The following ITPR2 variants were observed in gnomAD, a reference collection of about 807,000 sequenced individuals.
ITPR2 encodes inositol 1,4,5-trisphosphate-gated calcium channel ITPR2.
A neutral mutation model predicts 317.1 loss-of-function variants in ITPR2; 207 were observed. The ratio of observed to expected loss-of-function variants is 0.65; its 90% CI spans 0.58 to 0.73. The LOEUF (loss-of-function observed/expected upper bound fraction) is 0.73, where lower values mean the gene tolerates loss of function less well. Among genes scored for constraint, ITPR2 ranks in the 30% least tolerant of loss-of-function variants. ITPR2 has a pLI of 0.00. For missense variants in ITPR2, 2,613 were observed against 3,284.0 expected (o/e 0.80, Z 4.99); for synonymous variants, 1,156 against 1,149.1 (o/e 1.01, Z -0.12).
intron 1 of ITPR2, among the ~76,000 whole-genome samples, chr12:26,827,263 TACACGGAGAAAAGAACAATAA>T (rs780617952): frequency 1.3e-5 from 2 of 151,914 alleles, no homozygotes; most frequent in African/African-American, 4.8e-5. Flanking sequence ...CCTTTGCACT[TACACGGAGAAAAGAACAATAA>T]ACTCGGAGAA....
chr12:26,818,089 AAT>A (rs1348339417), intron 1 of ITPR2, among the ~76,000 whole-genome samples: 2 of 152,256 alleles, frequency 1.3e-5, no homozygotes, highest in Non-Finnish European at 2.9e-5. Context: ...TGTTCAATTA[AAT>A]ATGTTTAAAA....
At chr12:26,693,670 T>C (rs11048657) in intron 10 of ITPR2, among the ~76,000 whole-genome samples, 34,782 of 152,140 alleles carry the variant, frequency 0.23, 4,195 homozygotes, top group Non-Finnish European at 0.26. Context: ...TGTGGATGTT[T>C]GAATACACAG....
At chr12:26,661,995 A>G (rs1167729064) in intron 15 of ITPR2, among the ~76,000 whole-genome samples, 1 of 152,260 alleles carries the variant, frequency 6.6e-6, no homozygotes, top group Non-Finnish European at 1.5e-5. Flanking sequence ...CATTTGGATC[A>G]GCAAGAAGGG....
chr12:26,365,223 C>T (rs1049552633), intron 55 of ITPR2, among the ~76,000 whole-genome samples: 2 of 152,090 alleles, frequency 1.3e-5, no homozygotes, highest in African/African-American at 4.8e-5. Context: ...GGAAAATGAA[C>T]GGTGTCACTA....
intron 37 of ITPR2, among the ~76,000 whole-genome samples, chr12:26,509,434 C>T (rs565827235): frequency 6.6e-6 from 1 of 152,176 alleles, no homozygotes; most frequent in South Asian, 2.1e-4. Flanking sequence ...TAAAATAAAT[C>T]CATTAGATTG....
In ITPR2 at chr12:26,567,960, ATATATATAT is replaced by A. The variant is rs1224680826; in HGVS notation, c.4631-6017_4631-6009del. ...TGGTATATATATATATTATATATAT[ATATATATAT>A]TATATATATTATATATATATATATA... is the stretch of plus-strand genomic sequence containing the variant. On this transcript the variant is annotated intron_variant, in intron 34 of 56. Transcript: ENST00000381340. Among the ~76,000 whole-genome samples the A allele has an allele frequency of 6.2e-4, 6 of 9,720 alleles. 1 individual carries two copies. The highest frequency in any genetic ancestry group is 9.9e-4 in the Non-Finnish European group (2 of 2,020). 6.4% of individuals were successfully genotyped at this position (9,720 alleles called of 152,430 possible). A position where few individuals can be genotyped will look rare whatever the true frequency, so the allele number is the denominator to read the frequency against.
intron 1 of ITPR2, among the ~76,000 whole-genome samples, chr12:26,830,965 T>C (rs915769094): frequency 3.3e-5 from 5 of 152,052 alleles, no homozygotes; most frequent in Admixed American, 1.3e-4. Context: ...GGGCACAGAG[T>C]TTATGTAACT....
At position 26,688,346 on chromosome 12, in the gene ITPR2, T is replaced by C. The variant is rs563168940; in HGVS notation, c.997-1714A>G. On this transcript the variant is annotated intron_variant, in intron 10 of 56. Transcript: ENST00000381340. ...TGGGCCACTGCACCTGGCTGATATT[T>C]CTGAATTTATACAAAGCTTCTCACA... Among the ~76,000 whole-genome samples the C allele has an allele frequency of 9.2e-5, 14 of 152,298 alleles. No individual in the cohort carries two copies. In the South Asian group the frequency reaches 2.7e-3, roughly 29 times the overall value.
chr12:26,706,273 C>A (rs1025670203), intron 9 of ITPR2, among the ~76,000 whole-genome samples: 1 of 152,146 alleles, frequency 6.6e-6, no homozygotes, highest in South Asian at 2.1e-4. Context: ...CTATATTACA[C>A]AGTACAACTC....
chr12:26,458,660 C>T (rs1257664778), intron 45 of ITPR2, among the ~76,000 whole-genome samples: 1 of 152,194 alleles, frequency 6.6e-6, no homozygotes, highest in Admixed American at 6.5e-5. Flanking sequence ...CGGAGGGGAA[C>T]ATTTTCAAGG....
At chr12:26,513,748 TCACACA>T (rs3056894) in intron 37 of ITPR2, among the ~76,000 whole-genome samples, 76,030 of 149,292 alleles carry the variant, frequency 0.51, 20,415 homozygotes, top group East Asian at 0.68. Flanking sequence ...TTGCCAATTA[TCACACA>T]CACACACACA....
At chr12:26,818,993 G>A (rs1027532806) in intron 1 of ITPR2, among the ~76,000 whole-genome samples, 3 of 152,136 alleles carry the variant, frequency 2.0e-5, no homozygotes, top group Non-Finnish European at 4.4e-5. Context: ...GGATGTTATA[G>A]AAATGAAACA....
intron 55 of ITPR2, among the ~76,000 whole-genome samples, chr12:26,362,326 T>G (rs1016274700): frequency 5.9e-5 from 9 of 152,142 alleles, no homozygotes; most frequent in African/African-American, 9.7e-5. Context: ...CTTACCAAAA[T>G]TAAAACTTCC....
chr12:26,549,353 T>C (rs1017375836), intron 37 of ITPR2, among the ~76,000 whole-genome samples: 4 of 152,216 alleles, frequency 2.6e-5, no homozygotes, highest in African/African-American at 9.6e-5. Context: ...GCTCTTTCTA[T>C]TAATATCTAA....
chr12:26,646,639 G>A (rs1176564957), intron 21 of ITPR2, among the ~76,000 whole-genome samples: 1 of 152,174 alleles, frequency 6.6e-6, no homozygotes, highest in Non-Finnish European at 1.5e-5. Flanking sequence ...AGGGCTGTAA[G>A]TCACTCGGGA....
intron 54 of ITPR2, among the ~76,000 whole-genome samples, chr12:26,398,120 GAA>G: frequency 6.6e-6 from 1 of 151,156 alleles, no homozygotes; most frequent in African/African-American, 2.4e-5. Context: ...GAGAGAGAGA[GAA>G]ATTAAAAACT....
chr12:26,715,905 A>T, intron 6 of ITPR2, 70 bp from the exon 7 acceptor site: 2 of 1,124,256 alleles, frequency 1.8e-6, no homozygotes, highest in Admixed American at 1.8e-5. Context: ...TATTAGTTCA[A>T]CTAGTAAAAG....
chr12:26,589,555 G>A (rs1380615727), intron 32 of ITPR2, among the ~76,000 whole-genome samples: 9 of 151,334 alleles, frequency 5.9e-5, no homozygotes, highest in Non-Finnish European at 1.2e-4. Flanking sequence ...TTGGGAGGCC[G>A]AGGCGGGCAG....
chr12:26,454,737 C>T (rs893058024), intron 45 of ITPR2, among the ~76,000 whole-genome samples: 7 of 143,474 alleles, frequency 4.9e-5, no homozygotes, highest in Non-Finnish European at 9.1e-5. Flanking sequence ...GTAATTGCTG[C>T]GGGGGTGGGG....
Sources: allele counts gnomAD v4.1 joint callset (sites outside exome capture counted in the v4.1 genomes callset), GRCh38; gene constraint gnomAD v4.1.1; transcripts MANE v1.5; gene names NCBI Gene and HGNC (gene_info 2026-07-23, HGNC 2026-07-21).